ATP2B2: variants seen among roughly 807,000 people sequenced by gnomAD.
ATP2B2 encodes the protein ATPase plasma membrane Ca2+ transporting 2.
In ATP2B2, 15 loss-of-function variants were observed where a neutral mutation model predicts 120.0. The observed-to-expected ratio is 0.12, with a 90% CI of 0.08 to 0.19. ATP2B2 has a LOEUF of 0.19. ATP2B2 is among the 10% of genes least tolerant of loss of function. The pLI is 1.00. For missense variants in ATP2B2, 1,045 were observed against 1,719.8 expected (o/e 0.61, Z 6.94); for synonymous variants, 694 against 700.3 (o/e 0.99, Z 0.14).
rs944988963 is a variant in ATP2B2 at position 10,503,262 on chromosome 3, C to T, written c.-320+2203G>A. Among the ~76,000 whole-genome samples the T allele has an allele frequency of 4.6e-5, 7 of 152,340 alleles. No individual in the cohort carries two copies. The East Asian group carries it at 1.2e-3, about 25-fold the overall frequency. ...CCAGCTCTCAGAGACCCCATAGCAG[C>T]GGGCTGGTTTCCTGATGCCAGGGAG... On this transcript the variant is annotated intron_variant, in intron 1 of 22. Transcript: ENST00000360273.
intron 1 of ATP2B2, among the ~76,000 whole-genome samples, chr3:10,657,968 G>C (rs1252059035): frequency 6.6e-6 from 1 of 152,220 alleles, no homozygotes; most frequent in Non-Finnish European, 1.5e-5. Flanking sequence ...GCCTCTGCTG[G>C]TGATACCCAG....
Position 10,592,313 on chromosome 3 carries a change from A to G in ATP2B2, c.-415+27604T>C, listed in dbSNP as rs373415770. On this transcript the variant is annotated intron_variant, in intron 2 of 21. Transcript: ENST00000646379. ...AGAGATTTGACAAGATTTTTTCAAT[A>G]TGTTTGAAATTATGTATAATTATAA... Among the ~76,000 whole-genome samples the G allele has an allele frequency of 2.0e-4, 31 of 152,364 alleles. No homozygotes were observed. The East Asian group carries it at 4.2e-3, about 21-fold the overall frequency.
chr3:10,515,117 A>T (rs2066851069), intron 3 of ATP2B2, among the ~76,000 whole-genome samples: 1 of 152,194 alleles, frequency 6.6e-6, no homozygotes, highest in African/African-American at 2.4e-5. Context: ...GGCATCAAAG[A>T]GATGTGGGAT....
chr3:10,552,535 C>T (rs1369178861), intron 2 of ATP2B2, among the ~76,000 whole-genome samples: 1 of 152,250 alleles, frequency 6.6e-6, no homozygotes, highest in East Asian at 1.9e-4. Context: ...AAAGGCAATC[C>T]AGAACCTCCC....
intron 2 of ATP2B2, among the ~76,000 whole-genome samples, chr3:10,587,132 AAAAAAC>A (rs963968513): frequency 1.2e-4 from 18 of 152,094 alleles, no homozygotes; most frequent in African/African-American, 4.3e-4. Context: ...CATAGCTACA[AAAAAAC>A]AAAAACAAAA....
Position 10,672,614 on chromosome 3 carries a change from T to A in ATP2B2, c.-460+35301A>T, listed in dbSNP as rs542072406. 5.4e-4 allele frequency among the ~76,000 whole-genome samples: 82 copies of A among 152,346 alleles called. No individual in the cohort carries two copies. In the Middle Eastern group the frequency reaches 0.014, roughly 25 times the overall value. ...GACCTCTGGCGTGGGCCCAGGATGC[T>A]GTCACTACATTTTAAAGGTTTGCAG... On this transcript the variant is annotated intron_variant, in intron 1 of 21. Transcript: ENST00000646379.
intron 2 of ATP2B2, among the ~76,000 whole-genome samples, chr3:10,535,988 C>T (rs549793115): frequency 6.6e-6 from 1 of 152,158 alleles, no homozygotes; most frequent in South Asian, 2.1e-4. Context: ...ACATTCCCAC[C>T]AGCAATGTAC....
intron 5 of ATP2B2, among the ~76,000 whole-genome samples, chr3:10,399,314 G>A (rs1226914712): frequency 6.6e-6 from 1 of 152,188 alleles, no homozygotes; most frequent in Non-Finnish European, 1.5e-5. Context: ...CGGTCTCTCA[G>A]TGAGACCCCG....
intron 2 of ATP2B2, among the ~76,000 whole-genome samples, chr3:10,607,754 A>C (rs1219071800): frequency 2.0e-5 from 3 of 152,210 alleles, no homozygotes; most frequent in Non-Finnish European, 4.4e-5. Context: ...TTTCTGTTTG[A>C]GTGTGGCAGC....
chr3:10,515,482 T>G (rs2066859630), intron 3 of ATP2B2, among the ~76,000 whole-genome samples: 1 of 152,168 alleles, frequency 6.6e-6, no homozygotes, highest in Admixed American at 6.5e-5. Flanking sequence ...CTCAATCTTC[T>G]CAGGACCTCC....
At chr3:10,432,957 A>C (rs2063367305) in intron 2 of ATP2B2, among the ~76,000 whole-genome samples, 1 of 151,856 alleles carries the variant, frequency 6.6e-6, no homozygotes, top group Non-Finnish European at 1.5e-5. Flanking sequence ...GGGCTGGGGG[A>C]GCTCTCAGTA....
intron 1 of ATP2B2, among the ~76,000 whole-genome samples, chr3:10,675,357 G>A (rs952741825): frequency 1.3e-5 from 2 of 152,118 alleles, no homozygotes; most frequent in African/African-American, 4.8e-5. Flanking sequence ...TTCCCTTGTG[G>A]GTTTGCCTTC....
chr3:10,474,880 C>A (rs1219094779), intron 1 of ATP2B2, among the ~76,000 whole-genome samples: 1 of 152,258 alleles, frequency 6.6e-6, no homozygotes, highest in African/African-American at 2.4e-5. Context: ...TTCTGGGAGC[C>A]CCTTGTGGGG....
chr3:10,474,447 A>T (rs1253965937), intron 1 of ATP2B2, among the ~76,000 whole-genome samples: 1 of 152,154 alleles, frequency 6.6e-6, no homozygotes, highest in African/African-American at 2.4e-5. Context: ...ATGGGATGAG[A>T]TCATCGAGGG....
intron 1 of ATP2B2, among the ~76,000 whole-genome samples, chr3:10,476,447 C>T (rs2065206281): frequency 2.0e-5 from 3 of 152,212 alleles, no homozygotes; most frequent in Non-Finnish European, 2.9e-5. Context: ...AGATGGCAGA[C>T]CCAGAAAGCA....
At chr3:10,690,112 TG>T (rs2071622419) in intron 1 of ATP2B2, among the ~76,000 whole-genome samples, 1 of 152,162 alleles carries the variant, frequency 6.6e-6, no homozygotes, top group African/African-American at 2.4e-5. Context: ...GCAACAACAA[TG>T]TTCATGTCAA....
chr3:10,496,456 G>A (rs1050267765), intron 1 of ATP2B2, among the ~76,000 whole-genome samples: 1 of 152,240 alleles, frequency 6.6e-6, no homozygotes, highest in African/African-American at 2.4e-5. Flanking sequence ...TGAAAGGCCA[G>A]CTTTTTTGCT....
chr3:10,433,721 C>A (rs2063392828), intron 2 of ATP2B2, among the ~76,000 whole-genome samples: 1 of 152,174 alleles, frequency 6.6e-6, no homozygotes, highest in Non-Finnish European at 1.5e-5. Flanking sequence ...TGTTACCCAC[C>A]TTCAGCAATC....
intron 3 of ATP2B2, among the ~76,000 whole-genome samples, chr3:10,409,583 G>A (rs34904): frequency 0.54 from 82,337 of 151,828 alleles, 24,638 homozygotes; most frequent in East Asian, 0.98. Context: ...TATCTCTTGT[G>A]TCTTTAAACC....
Sources: allele counts gnomAD v4.1 joint callset (sites outside exome capture counted in the v4.1 genomes callset), GRCh38; gene constraint gnomAD v4.1.1; transcripts MANE v1.5; gene names NCBI Gene and HGNC (gene_info 2026-07-23, HGNC 2026-07-21).